Variants in NUP50 observed in about 807,000 individuals in gnomAD.
NUP50 encodes the protein nucleoporin 50.
Under a neutral mutation model 36.8 loss-of-function variants are expected in NUP50, and 14 were observed. That is an observed-to-expected ratio of 0.38 (90% CI 0.25 to 0.59). NUP50 has a LOEUF of 0.59. NUP50 is among the 20% of genes least tolerant of loss of function. The pLI, the probability that NUP50 is intolerant of heterozygous loss-of-function variation, is 0.63. For missense variants in NUP50, 455 were observed against 564.6 expected, an observed-to-expected ratio of 0.81 and a Z score of 1.97; for synonymous variants, 195 against 210.8, an observed-to-expected ratio of 0.93 and a Z score of 0.65.
At chr22:45,183,895 G>A (rs1457480714) in intron 7 of NUP50, 2 of 225,060 alleles carry the variant, frequency 8.9e-6, no homozygotes, top group Admixed American at 1.0e-4. Context: ...TCCACTGCAA[G>A]GATCCTAGTG....
At chr22:45,171,918 T>G in intron 3 of NUP50, 1 of 445,340 alleles carries the variant, frequency 2.2e-6, no homozygotes, top group Non-Finnish European at 4.1e-6. Flanking sequence ...AGTGACAATC[T>G]GGAGAAGAAA....
Position 45,184,337 on chromosome 22 carries a change from C to T in NUP50, c.1205-116C>T, listed in dbSNP as rs530522847. ...TCCTGATTTTGTGCTGTCCTGTTGG[C>T]TCCCTGTCTTAGATGTATTAAGTTA... On this transcript the variant is annotated intron_variant, in intron 7 of 7. Coordinates refer to ENST00000347635, the MANE Select transcript of NUP50 (RefSeq NM_007172.4). 218 of 948,456 alleles carry T rather than the reference C, an allele frequency of 2.3e-4. 2 individuals are homozygous for T. The Middle Eastern group carries it at 6.3e-3, about 27-fold the overall frequency. 58.8% of individuals were successfully genotyped at this position (948,456 alleles called of 1,614,324 possible). A position where few individuals can be genotyped will look rare whatever the true frequency, so the allele number is the denominator to read the frequency against.
chr22:45,173,796 G>A (rs2074234855), intron 3 of NUP50, among the ~76,000 whole-genome samples: 1 of 152,238 alleles, frequency 6.6e-6, no homozygotes, highest in South Asian at 2.1e-4. Flanking sequence ...TACAACTTAA[G>A]CTGAAGGGAT....
intron 2 of NUP50, chr22:45,171,197 A>C: frequency 8.9e-7 from 1 of 1,128,690 alleles, no homozygotes; most frequent in Non-Finnish European, 1.1e-6. Flanking sequence ...AAATAACAAA[A>C]TTTATTTATT....
intron 6 of NUP50, among the ~76,000 whole-genome samples, chr22:45,181,645 CCCATCCCATT>C (rs1601788636): frequency 6.6e-6 from 1 of 152,146 alleles, no homozygotes; most frequent in Non-Finnish European, 1.5e-5. Context: ...CCCATCCCAT[CCCATCCCATT>C]CCATCCCGTC....
chr22:45,170,696 G>C (rs905199969), intron 2 of NUP50, among the ~76,000 whole-genome samples: 1 of 152,040 alleles, frequency 6.6e-6, no homozygotes, highest in Non-Finnish European at 1.5e-5. Context: ...GTTTTTTGTT[G>C]TTGTTGGTTT....
chr22:45,172,066 G>T, intron 3 of NUP50: 1 of 177,876 alleles, frequency 5.6e-6, no homozygotes, highest in Non-Finnish European at 1.2e-5. Context: ...CTATACTAGA[G>T]GCATTTTAGG....
chr22:45,182,969 G>A (rs2074402215), intron 6 of NUP50, among the ~76,000 whole-genome samples: 1 of 151,624 alleles, frequency 6.6e-6, no homozygotes, highest in Non-Finnish European at 1.5e-5. Flanking sequence ...AAAAAAGGAG[G>A]GAGAGGTGGG....
intron 1 of NUP50, chr22:45,166,451 T>A (rs2074096862): frequency 6.6e-6 from 1 of 151,902 alleles, no homozygotes; most frequent in Non-Finnish European, 1.5e-5. Context: ...CACGCCCAGC[T>A]AATTTTTTTA....
chr22:45,169,207 A>G (rs1488901647), intron 2 of NUP50, among the ~76,000 whole-genome samples: 6 of 152,308 alleles, frequency 3.9e-5, no homozygotes, highest in South Asian at 2.1e-4. Flanking sequence ...CAACCCCCCA[A>G]AAAATTGTTT....
At chr22:45,176,728 T>TTGTTTG (rs2074282187) in intron 4 of NUP50, among the ~76,000 whole-genome samples, 2 of 152,170 alleles carry the variant, frequency 1.3e-5, no homozygotes, top group African/African-American at 2.4e-5. Flanking sequence ...ATAAGTGTTC[T>TTGTTTG]CTGTTAAGTT....
chr22:45,170,366 CTCTACAG>C (rs1184284538), intron 2 of NUP50, among the ~76,000 whole-genome samples: 3 of 152,160 alleles, frequency 2.0e-5, no homozygotes, highest in Non-Finnish European at 4.4e-5. Context: ...TAGGGCTGGA[CTCTACAG>C]TCGTACCTTA....
At chr22:45,182,781 CGCTCA>C (rs1159479778) in intron 6 of NUP50, among the ~76,000 whole-genome samples, 2 of 151,744 alleles carry the variant, frequency 1.3e-5, no homozygotes, top group African/African-American at 2.4e-5. Flanking sequence ...CCCGCCACCA[CGCTCA>C]GCTAATTTTT....
intron 6 of NUP50, among the ~76,000 whole-genome samples, chr22:45,181,650 C>CCCATT (rs955110523): frequency 6.6e-6 from 1 of 152,130 alleles, no homozygotes; most frequent in East Asian, 1.9e-4. Context: ...CCCATCCCAT[C>CCCATT]CCATTCCATC....
At position 45,187,385 on chromosome 22, in the gene NUP50, A is replaced by T. The variant is rs1469276493; in HGVS notation, c.*2730A>T. 1 of 151,598 alleles carries T rather than the reference A, an allele frequency of 6.6e-6. No individual in the cohort carries two copies. The highest frequency in any genetic ancestry group is 2.1e-4 in the South Asian group (1 of 4,790). 9.4% of individuals were successfully genotyped at this position (151,598 alleles called of 1,614,324 possible). A position where few individuals can be genotyped will look rare whatever the true frequency, so the allele number is the denominator to read the frequency against. On this transcript the variant is annotated 3_prime_UTR_variant, in exon 8 of 8. Coordinates refer to ENST00000347635, the MANE Select transcript of NUP50 (RefSeq NM_007172.4). ...GAGGATTATTCTGTTTTACAATTTC[A>T]ATTCTAGATCACATTTTATATATGC...
At chr22:45,178,129 G>T (rs1569051943) in intron 4 of NUP50, 109 bp from the exon 5 acceptor site, 2 of 962,396 alleles carry the variant, frequency 2.1e-6, no homozygotes, top group Admixed American at 2.3e-5. Context: ...GTCTTGGTGT[G>T]GGGGGAGATA....
At chr22:45,171,477 T>C in intron 2 of NUP50, 123 bp from the exon 3 acceptor site, 1 of 948,306 alleles carries the variant, frequency 1.1e-6, no homozygotes, top group African/African-American at 1.7e-5. Flanking sequence ...CCATTGTGCC[T>C]GGCCAAAATT....
At chr22:45,184,259 C>A in intron 7 of NUP50, 194 bp from the exon 8 acceptor site, 1 of 601,334 alleles carries the variant, frequency 1.7e-6, no homozygotes, top group Non-Finnish European at 3.0e-6. Context: ...GAAGGCCACT[C>A]CTCACAGTGA....
Position 45,187,029 on chromosome 22 carries a change from G to A in NUP50, c.*2374G>A, listed in dbSNP as rs2083455227. 6.6e-6 allele frequency: 1 copy of A among 152,196 alleles called. No individual in the cohort carries two copies. The highest frequency in any genetic ancestry group is 2.4e-5 in the African/African-American group (1 of 41,452). The allele number at this position is 152,196 out of a possible 1,614,324, so 9.4% of individuals were successfully genotyped here. ...AATATTAGAAGTTATGCTTTAAAAT[G>A]TTTAATGTGGACTGAAATTTTCATC... On this transcript the variant is annotated 3_prime_UTR_variant, in exon 8 of 8. Transcript: ENST00000347635.
Sources: gnomAD v4.1 joint callset for allele counts (sites outside exome capture counted in the v4.1 genomes callset) on GRCh38, gnomAD v4.1.1 for gene constraint, MANE v1.5 for transcripts, NCBI Gene and HGNC (gene_info 2026-07-23, HGNC 2026-07-21) for gene names.